The following PTPN13 variants were observed in gnomAD, a reference collection of about 807,000 sequenced individuals.
PTPN13 encodes tyrosine-protein phosphatase non-receptor type 13.
In PTPN13, 191 loss-of-function variants were observed where a neutral mutation model predicts 284.0. The ratio of observed to expected loss-of-function variants is 0.67; its 90% CI spans 0.60 to 0.76. The LOEUF (loss-of-function observed/expected upper bound fraction) is 0.76. Among genes scored for constraint, PTPN13 ranks in the 30% least tolerant of loss-of-function variants. The probability of loss-of-function intolerance (pLI) is 0.00; values close to 1 mark genes in which losing one functional copy is unlikely to be tolerated. For missense variants in PTPN13, 2,797 were observed against 2,939.9 expected (o/e 0.95, Z 1.12); for synonymous variants, 986 against 1,022.3 (o/e 0.96, Z 0.68).
chr4:86,640,760 T>C (rs1008379103), intron 2 of PTPN13, among the ~76,000 whole-genome samples: 7 of 152,198 alleles, frequency 4.6e-5, no homozygotes, highest in African/African-American at 1.7e-4. Flanking sequence ...CAAATGAATA[T>C]AAAGGTGTTG....
chr4:86,799,274 G>T, intron 42 of PTPN13, 70 bp downstream of exon 42: 1 of 932,582 alleles, frequency 1.1e-6, no homozygotes, highest in Non-Finnish European at 1.6e-6. Flanking sequence ...GTGATTTTCA[G>T]ACTATATGGA....
intron 1 of PTPN13, among the ~76,000 whole-genome samples, chr4:86,608,254 C>T (rs982653794): frequency 3.3e-5 from 5 of 151,922 alleles, no homozygotes; most frequent in East Asian, 3.8e-4. Context: ...TAGAGAGATT[C>T]GACTGTGAAG....
At chr4:86,779,865 A>G (rs1201666994) in intron 35 of PTPN13, among the ~76,000 whole-genome samples, 1 of 152,174 alleles carries the variant, frequency 6.6e-6, no homozygotes, top group Non-Finnish European at 1.5e-5. Context: ...GAAATACTTC[A>G]TCTAGATTTT....
intron 2 of PTPN13, among the ~76,000 whole-genome samples, chr4:86,668,703 C>A (rs182151353): frequency 6.6e-6 from 1 of 151,366 alleles, no homozygotes; most frequent in African/African-American, 2.4e-5. Context: ...TCAAGTGATT[C>A]TCCTGCCTCA....
chr4:86,677,293 C>T (rs1728389557), intron 3 of PTPN13, among the ~76,000 whole-genome samples: 1 of 151,234 alleles, frequency 6.6e-6, no homozygotes, highest in Non-Finnish European at 1.5e-5. Context: ...AAAATATATA[C>T]TTAAAAATAG....
intron 2 of PTPN13, among the ~76,000 whole-genome samples, chr4:86,659,841 G>GAA (rs574487634): frequency 2.3e-4 from 29 of 125,402 alleles, no homozygotes; most frequent in Admixed American, 1.3e-3. Context: ...AACAACAACA[G>GAA]AAAAAAAAAA....
Position 86,693,716 on chromosome 4 carries a change from T to C in PTPN13, c.634+42T>C, listed in dbSNP as rs1231887916. 3 of 1,377,710 alleles carry C rather than the reference T, an allele frequency of 2.2e-6. No individual in the cohort carries two copies. The South Asian group carries it at 4.3e-5, about 20-fold the overall frequency. The allele number at this position is 1,377,710 out of a possible 1,614,324, so 85.3% of individuals were successfully genotyped here. On this transcript the variant is annotated intron_variant, in intron 6 of 47. Transcript: ENST00000411767. ...AGGAAATGTCTAGGCTTTAACCTTA[T>C]CCCATTGTTTTCTTTACAAAATTAT...
intron 7 of PTPN13, among the ~76,000 whole-genome samples, chr4:86,704,411 C>T (rs180709919): frequency 9.2e-5 from 14 of 151,992 alleles, no homozygotes; most frequent in East Asian, 1.9e-4. Flanking sequence ...TAATATATTT[C>T]GTTTGTTTTT....
chr4:86,654,909 A>G (rs1374405986), intron 2 of PTPN13, among the ~76,000 whole-genome samples: 1 of 152,182 alleles, frequency 6.6e-6, no homozygotes, highest in African/African-American at 2.4e-5. Flanking sequence ...GACTTGCTTT[A>G]TGAATCTGGG....
At chr4:86,778,494 C>T (rs1740905095) in intron 35 of PTPN13, among the ~76,000 whole-genome samples, 1 of 152,176 alleles carries the variant, frequency 6.6e-6, no homozygotes, top group African/African-American at 2.4e-5. Flanking sequence ...TATCACATCA[C>T]ACAAAAGGAA....
At chr4:86,719,584 T>C (rs1385784493) in intron 9 of PTPN13, among the ~76,000 whole-genome samples, 4 of 152,092 alleles carry the variant, frequency 2.6e-5, no homozygotes, top group Non-Finnish European at 5.9e-5. Flanking sequence ...ACTAATTTGC[T>C]CTCCCAACAG....
At chr4:86,800,366 C>T (rs1213184072) in intron 42 of PTPN13, among the ~76,000 whole-genome samples, 1 of 150,268 alleles carries the variant, frequency 6.7e-6, no homozygotes, top group Non-Finnish European at 1.5e-5. Context: ...AAGAAATTAA[C>T]AGCTTAGGCT....
At chr4:86,784,923 A>G (rs1291240405) in intron 38 of PTPN13, among the ~76,000 whole-genome samples, 6 of 152,134 alleles carry the variant, frequency 3.9e-5, no homozygotes, top group Admixed American at 3.9e-4. Context: ...AAATTAATAC[A>G]TTGAGAGTCA....
At chr4:86,621,592 A>T (rs1337345846) in intron 1 of PTPN13, among the ~76,000 whole-genome samples, 1 of 152,134 alleles carries the variant, frequency 6.6e-6, no homozygotes, top group Admixed American at 6.6e-5. Flanking sequence ...TATCCCACTT[A>T]GTGTAAATAT....
At chr4:86,636,354 A>C (rs1362340857) in intron 2 of PTPN13, among the ~76,000 whole-genome samples, 2 of 152,108 alleles carry the variant, frequency 1.3e-5, no homozygotes, top group Non-Finnish European at 2.9e-5. Flanking sequence ...AAAACATTTG[A>C]TATCATGCCA....
intron 2 of PTPN13, among the ~76,000 whole-genome samples, chr4:86,641,672 G>A (rs1202540218): frequency 6.6e-6 from 1 of 152,206 alleles, no homozygotes; most frequent in Non-Finnish European, 1.5e-5. Flanking sequence ...CTAACATGTA[G>A]ATGAAGGTGA....
intron 3 of PTPN13, among the ~76,000 whole-genome samples, chr4:86,683,380 G>A (rs1729110901): frequency 6.6e-6 from 1 of 152,122 alleles, no homozygotes; most frequent in Non-Finnish European, 1.5e-5. Context: ...GACCCAAGAA[G>A]GTTTCAGTTT....
At chr4:86,599,441 T>C (rs1764105888) in intron 1 of PTPN13, among the ~76,000 whole-genome samples, 1 of 152,080 alleles carries the variant, frequency 6.6e-6, no homozygotes, top group Non-Finnish European at 1.5e-5. Flanking sequence ...CCTGGCCATA[T>C]ATGGTATGTA....
chr4:86,632,518 G>A (rs1722577973), intron 1 of PTPN13, among the ~76,000 whole-genome samples: 1 of 152,060 alleles, frequency 6.6e-6, no homozygotes, highest in Non-Finnish European at 1.5e-5. Flanking sequence ...CACTACATGT[G>A]ACACTCCAGA....
Sources: gnomAD v4.1 joint callset for allele counts (sites outside exome capture counted in the v4.1 genomes callset) on GRCh38, gnomAD v4.1.1 for gene constraint, MANE v1.5 for transcripts, NCBI Gene and HGNC (gene_info 2026-07-23, HGNC 2026-07-21) for gene names.